Variants in CELF4 observed in about 807,000 individuals in gnomAD.
CELF4 encodes CUGBP Elav-like family member 4.
Under a neutral mutation model 59.9 loss-of-function variants are expected in CELF4, and 18 were observed. The ratio of observed to expected loss-of-function variants is 0.30; its 90% CI spans 0.21 to 0.45. The LOEUF (loss-of-function observed/expected upper bound fraction) is 0.45, where lower values mean the gene tolerates loss of function less well. Ranked by LOEUF, CELF4 falls within the 20% of genes least tolerant of loss-of-function variation. The probability of loss-of-function intolerance (pLI) is 1.00; values close to 1 mark genes in which losing one functional copy is unlikely to be tolerated. For missense variants in CELF4, 456 were observed against 689.0 expected, an observed-to-expected ratio of 0.66 and a Z score of 3.79; for synonymous variants, 261 against 267.1, an observed-to-expected ratio of 0.98 and a Z score of 0.22.
At chr18:37,499,781 T>C (rs1309079921) in intron 1 of CELF4, among the ~76,000 whole-genome samples, 2 of 152,160 alleles carry the variant, frequency 1.3e-5, no homozygotes, top group African/African-American at 2.4e-5. Context: ...TCCTTTTTTG[T>C]AAAGTGGGTT....
intron 1 of CELF4, among the ~76,000 whole-genome samples, chr18:37,552,969 G>T (rs776877988): frequency 1.1e-4 from 16 of 152,176 alleles, no homozygotes; most frequent in Non-Finnish European, 2.1e-4. Context: ...TGCTTTTCTC[G>T]CACTGAGACA....
intron 3 of CELF4, among the ~76,000 whole-genome samples, chr18:37,279,520 A>G (rs73948861): frequency 0.01 from 1,544 of 152,282 alleles, 24 homozygotes; most frequent in African/African-American, 0.035. Context: ...GAGCAAGGGG[A>G]GCAAGCATGT....
chr18:37,512,864 C>T (rs965709747), intron 1 of CELF4, among the ~76,000 whole-genome samples: 6 of 151,984 alleles, frequency 3.9e-5, no homozygotes, highest in Non-Finnish European at 8.8e-5. Flanking sequence ...CTCTCTCCTC[C>T]TCCTCCTTCT....
chr18:37,528,474 A>G (rs940840480), intron 1 of CELF4, among the ~76,000 whole-genome samples: 3 of 152,220 alleles, frequency 2.0e-5, no homozygotes, highest in Admixed American at 1.3e-4. Flanking sequence ...GAATTTCTCG[A>G]CAATGCAATA....
intron 2 of CELF4, among the ~76,000 whole-genome samples, chr18:37,352,541 T>C (rs2098463182): frequency 6.6e-6 from 1 of 151,718 alleles, no homozygotes; most frequent in South Asian, 2.1e-4. Context: ...TGCAGTGAGC[T>C]ATGATTGCAC....
intron 1 of CELF4, among the ~76,000 whole-genome samples, chr18:37,562,812 T>C (rs576461461): frequency 1.3e-5 from 2 of 152,162 alleles, no homozygotes; most frequent in Non-Finnish European, 2.9e-5. Flanking sequence ...TCTGAGAGCT[T>C]GCAAGCACTG....
At chr18:37,309,048 G>A (rs1038468789) in intron 3 of CELF4, among the ~76,000 whole-genome samples, 20 of 152,194 alleles carry the variant, frequency 1.3e-4, no homozygotes, top group African/African-American at 4.3e-4. Flanking sequence ...GACCCTCTCT[G>A]AGGACCCCTA....
chr18:37,358,340 G>T (rs928661018), intron 2 of CELF4, among the ~76,000 whole-genome samples: 1 of 152,164 alleles, frequency 6.6e-6, no homozygotes, highest in Admixed American at 6.5e-5. Context: ...GCTGCCATCC[G>T]CAAAAGATGT....
intron 1 of CELF4, among the ~76,000 whole-genome samples, chr18:37,494,636 A>G (rs1203990821): frequency 6.6e-6 from 1 of 152,170 alleles, no homozygotes; most frequent in Non-Finnish European, 1.5e-5. Flanking sequence ...TGGGGTGCGT[A>G]TCGTCGGCAT....
At chr18:37,250,549 C>T (rs531098488) in intron 12 of CELF4, among the ~76,000 whole-genome samples, 4 of 152,330 alleles carry the variant, frequency 2.6e-5, no homozygotes, top group Non-Finnish European at 5.9e-5. Flanking sequence ...GCTGGTCCCT[C>T]GGCCCCTGCT....
intron 2 of CELF4, among the ~76,000 whole-genome samples, chr18:37,422,313 A>T (rs140306378): frequency 4.6e-4 from 70 of 152,360 alleles, no homozygotes; most frequent in African/African-American, 1.5e-3. Flanking sequence ...TGGCTGAATA[A>T]GAAACACAGC....
chr18:37,526,144 A>G (rs1182358809), intron 1 of CELF4, among the ~76,000 whole-genome samples: 1 of 152,208 alleles, frequency 6.6e-6, no homozygotes, highest in African/African-American at 2.4e-5. Context: ...GAAATGTCAC[A>G]TGGCCAGATG....
At chr18:37,431,595 T>C (rs1460830807) in intron 2 of CELF4, among the ~76,000 whole-genome samples, 1 of 152,150 alleles carries the variant, frequency 6.6e-6, no homozygotes, top group Non-Finnish European at 1.5e-5. Flanking sequence ...GGTCTTGATC[T>C]CCTGACCTCG....
At chr18:37,387,030 T>C (rs1322526707) in intron 2 of CELF4, among the ~76,000 whole-genome samples, 1 of 152,254 alleles carries the variant, frequency 6.6e-6, no homozygotes, top group Non-Finnish European at 1.5e-5. Context: ...CGCACGGGGC[T>C]GAGCCTGCTG....
chr18:37,283,589 T>C (rs1023971002), intron 3 of CELF4, among the ~76,000 whole-genome samples: 5 of 152,022 alleles, frequency 3.3e-5, no homozygotes, highest in Admixed American at 1.3e-4. Flanking sequence ...TCAATGAGCA[T>C]TGGGGGTGGG....
At position 37,310,195 on chromosome 18, in the gene CELF4, G is replaced by T. The variant is rs534765742; in HGVS notation, c.448+11608C>A. On this transcript the variant is annotated intron_variant, in intron 3 of 12. Coordinates refer to ENST00000420428, the MANE Select transcript of CELF4 (RefSeq NM_020180.4). ...GGGTGTCACCATCCACTTTGCAATA[G>T]GATGATGCAGCTCTCGGGGCAAGAC... is the stretch of plus-strand genomic sequence containing the variant. 1.3e-4 allele frequency among the ~76,000 whole-genome samples: 20 copies of T among 152,180 alleles called. 1 individual carries two copies. The highest frequency in any genetic ancestry group is 8.5e-4 in the Admixed American group (13 of 15,288).
intron 2 of CELF4, among the ~76,000 whole-genome samples, chr18:37,405,310 A>T (rs1334866392): frequency 6.6e-6 from 1 of 152,164 alleles, no homozygotes; most frequent in African/African-American, 2.4e-5. Flanking sequence ...GGATGATCAC[A>T]TCTCCCCCAC....
intron 1 of CELF4, among the ~76,000 whole-genome samples, chr18:37,487,357 A>T (rs1186579011): frequency 6.6e-6 from 1 of 151,980 alleles, no homozygotes; most frequent in African/African-American, 2.4e-5. Context: ...GGAGACAGAA[A>T]CTCTCAGCTC....
At chr18:37,393,046 C>CAGACACAGGGACTGCGGTGTGTTAGAG in intron 2 of CELF4, among the ~76,000 whole-genome samples, 1 of 149,440 alleles carries the variant, frequency 6.7e-6, no homozygotes, top group South Asian at 2.2e-4. Context: ...GTGTGTTGCA[C>CAGACACAGGGACTGCGGTGTGTTAGAG]AGACACAGGG....
Sources: allele counts gnomAD v4.1 joint callset (sites outside exome capture counted in the v4.1 genomes callset), GRCh38; gene constraint gnomAD v4.1.1; transcripts MANE v1.5; gene names NCBI Gene and HGNC (gene_info 2026-07-23, HGNC 2026-07-21).